The following EDRF1 variants were observed in gnomAD, a reference collection of about 807,000 sequenced individuals.
EDRF1 encodes erythroid differentiation regulatory factor 1.
Under a neutral mutation model 148.7 loss-of-function variants are expected in EDRF1, and 69 were observed. The observed-to-expected ratio is 0.46, with a 90% CI of 0.38 to 0.57. EDRF1 has a LOEUF of 0.57. Among genes scored for constraint, EDRF1 ranks in the 20% least tolerant of loss-of-function variants. The probability of loss-of-function intolerance (pLI) is 0.00; values close to 1 mark genes in which losing one functional copy is unlikely to be tolerated. For synonymous variants in EDRF1, 515 were observed against 532.8 expected (o/e 0.97, Z 0.46); for missense variants, 1,118 against 1,478.7 (o/e 0.76, Z 4.00).
At position 125,737,935 on chromosome 10, in the gene EDRF1, A is replaced by T. The variant is rs1848821481; in HGVS notation, c.1776A>T (p.Pro592=). The part of the protein sequence containing the change: ...IHQIRPSCAF[P]VCHDTEERCR... ...TCCTCAAGCCCAGTTGTGCATTTCCAGTTTGCCATGACACAGAAGAGCGCT... is the reference window on the plus strand; with the variant it reads ...TCCTCAAGCCCAGTTGTGCATTTCCTGTTTGCCATGACACAGAAGAGCGCT... Residue 592 remains proline (P), a synonymous_variant, in exon 14 of 25, where the codon CCA becomes CCT. Transcript: ENST00000356792. 6.2e-7 allele frequency: 1 copy of T among 1,613,966 alleles called. No individual in the cohort carries two copies. Among genetic ancestry groups the T allele is most frequent in the Non-Finnish European group, 8.5e-7 (1 of 1,179,908 alleles).
At chr10:125,723,013 C>T in intron 2 of EDRF1, 55 bp from the exon 3 acceptor site, 1 of 1,367,878 alleles carries the variant, frequency 7.3e-7, no homozygotes, top group Non-Finnish European at 1.0e-6. Flanking sequence ...TTAAGCTCTA[C>T]TTGCATGATT....
intron 24 of EDRF1, chr10:125,756,766 T>G (rs1438830959): frequency 2.5e-6 from 1 of 405,572 alleles, no homozygotes; most frequent in Non-Finnish European, 4.8e-6. Flanking sequence ...GGGTTTCCTA[T>G]AGGTGGCAAT....
chr10:125,741,116 A>C lies in EDRF1; in HGVS notation c.2286A>C (p.Arg762Ser), dbSNP rs1386371865. Residue 762 changes from arginine (R) to serine (S), a missense_variant, in exon 17 of 25, where the codon AGA becomes AGC. Coordinates refer to ENST00000356792, the MANE Select transcript of EDRF1 (RefSeq NM_001202438.2). ...TGCTGGCCCAGAATGCAAATAATAG[A>C]GCAGCACACCTTGAAGAGTTTCATT... ...QLMLAQNANNRAAHLEEFHYQ... is the reference protein window; with the variant it reads ...QLMLAQNANNSAAHLEEFHYQ... The C allele has an allele frequency of 1.9e-6, 3 of 1,614,166 alleles. No individual in the cohort carries two copies. Among genetic ancestry groups the C allele is most frequent in the Non-Finnish European group, 2.5e-6 (3 of 1,180,046 alleles).
chr10:125,745,550 A>G, intron 18 of EDRF1, 157 bp from the exon 19 acceptor site: 1 of 701,666 alleles, frequency 1.4e-6, no homozygotes, highest in Non-Finnish European at 2.5e-6. Flanking sequence ...TTCATGTAAC[A>G]GGCATGGTGA....
chr10:125,747,265 C>T, intron 19 of EDRF1: 1 of 448,254 alleles, frequency 2.2e-6, no homozygotes, highest in Non-Finnish European at 4.0e-6. Context: ...CATCATCATG[C>T]TCAGCCTGAG....
chr10:125,741,195 T>G lies in EDRF1; in HGVS notation c.2365T>G (p.Cys789Gly), dbSNP rs763670054. 1.9e-6 allele frequency: 3 copies of G among 1,614,172 alleles called. No homozygotes were observed. Among genetic ancestry groups the G allele is most frequent in the Non-Finnish European group, 2.5e-6 (3 of 1,180,006 alleles). ...ILHSLHRESS[C>G]QGFAWATDLS... ...GCATAGCCTTCACAGAGAGTCCAGTTGCCAAGGTGTGCCACAGGCTTGGAC... is the reference window on the plus strand; with the variant it reads ...GCATAGCCTTCACAGAGAGTCCAGTGGCCAAGGTGTGCCACAGGCTTGGAC... Residue 789 changes from cysteine (C) to glycine (G), a missense_variant, in exon 17 of 25, where the codon TGC becomes GGC. Coordinates refer to ENST00000356792, the MANE Select transcript of EDRF1 (RefSeq NM_001202438.2).
In EDRF1 at chr10:125,725,391, G is replaced by T; in HGVS notation, c.584G>T (p.Ser195Ile). The T allele has an allele frequency of 6.2e-7, 1 of 1,613,972 alleles. No individual in the cohort carries two copies. Among genetic ancestry groups the T allele is most frequent in the Non-Finnish European group, 8.5e-7 (1 of 1,179,930 alleles). ...CAGAAGTGGCAGAGGAAGAAAAAGA[G>T]CAAAGAGCACTGGTATCAAAAGGCA... ...IDQKWQRKKK[S>I]KEHWYQKAIL... The change falls in exon 5 of 25, where the codon AGC (serine) becomes ATC (isoleucine). Residue 195 changes from serine to isoleucine, a missense_variant. Transcript: ENST00000356792.
intron 14 of EDRF1, 125 bp from the exon 15 acceptor site, chr10:125,738,170 T>C: frequency 1.4e-6 from 2 of 1,413,950 alleles, no homozygotes; most frequent in South Asian, 2.4e-5. Context: ...AACATAGTTT[T>C]TGAAAGTCTG....
At position 125,719,955 on chromosome 10, in the gene EDRF1, A is replaced by G. The variant is rs767235923; in HGVS notation, c.108+40A>G. 11 of 1,574,472 alleles carry G rather than the reference A, an allele frequency of 7.0e-6. 1 individual carries two copies. Among genetic ancestry groups the G allele is most frequent in the Middle Eastern group, 1.7e-4 (1 of 6,006 alleles). On this transcript the variant is annotated intron_variant, in intron 1 of 24. Coordinates refer to ENST00000356792, the MANE Select transcript of EDRF1 (RefSeq NM_001202438.2). ...GAGGGGGACCTGCCAGGGATGTGGGAGCGGAGGACCCGCTCCACCGGGGAG... is the reference window on the plus strand; with the variant it reads ...GAGGGGGACCTGCCAGGGATGTGGGGGCGGAGGACCCGCTCCACCGGGGAG...
At chr10:125,725,618 G>T in intron 5 of EDRF1, 64 bp from the exon 6 acceptor site, 3 of 1,602,106 alleles carry the variant, frequency 1.9e-6, no homozygotes, top group Non-Finnish European at 2.6e-6. Flanking sequence ...TTTATAAACG[G>T]GTAGACTGTT....
intron 15 of EDRF1, among the ~76,000 whole-genome samples, chr10:125,739,259 T>A (rs1848894446): frequency 6.6e-6 from 1 of 152,162 alleles, no homozygotes; most frequent in African/African-American, 2.4e-5. Flanking sequence ...TCCCCAGCAT[T>A]TATATAGTGC....
chr10:125,759,550 C>A (rs1054366637), intron 24 of EDRF1, among the ~76,000 whole-genome samples: 1 of 152,014 alleles, frequency 6.6e-6, no homozygotes, highest in Non-Finnish European at 1.5e-5. Flanking sequence ...ATTACATGAA[C>A]CCAGGAGTTC....
Position 125,747,956 on chromosome 10 carries a change from G to A in EDRF1, c.3067G>A (p.Ala1023Thr). 1 of 1,614,210 alleles carries A rather than the reference G, an allele frequency of 6.2e-7. No individual in the cohort carries two copies. Among genetic ancestry groups the A allele is most frequent in the South Asian group, 1.1e-5 (1 of 91,086 alleles). Residue 1023 changes from alanine to threonine, a missense_variant, in exon 21 of 25, where the codon GCT (alanine) becomes ACT (threonine). By Grantham distance (58) the Ala-to-Thr change is moderately conservative (BLOSUM62 0). This residue lies in a region of EDRF1 where 954 missense variants were observed against 1,241.4 expected (regional missense o/e 0.77). Transcript: ENST00000356792. ...TCGACAGCCCCTTTGTCAGTATCGA[G>A]CTGCAACCATCCATCACAGGCTGGC... Reference protein sequence around the residue: ...SARQPLCQYRAATIHHRLASM... With the variant: ...SARQPLCQYRTATIHHRLASM...
rs963223552 is a variant in EDRF1, at chr10:125,719,735, C to T, written c.-73C>T. ...GTCCGCGGAGCGTCTCTGGCGCTTA[C>T]CCTGCTTTGGGCCTGCGTTGCTGCT... On this transcript the variant is annotated 5_prime_UTR_variant, in exon 1 of 25. Transcript: ENST00000356792. 1.6e-6 allele frequency: 2 copies of T among 1,246,476 alleles called. No homozygotes were observed. The highest frequency in any genetic ancestry group is 2.2e-6 in the Non-Finnish European group (2 of 889,850). 77.2% of individuals were successfully genotyped at this position (1,246,476 alleles called of 1,614,324 possible). A position where few individuals can be genotyped will look rare whatever the true frequency, so the allele number is the denominator to read the frequency against.
At chr10:125,721,701 G>A (rs1318944326) in intron 2 of EDRF1, among the ~76,000 whole-genome samples, 1 of 152,182 alleles carries the variant, frequency 6.6e-6, no homozygotes, top group South Asian at 2.1e-4. Flanking sequence ...TAGCCAATTT[G>A]CATACCTTTT....
intron 13 of EDRF1, among the ~76,000 whole-genome samples, chr10:125,736,903 A>G (rs1437128361): frequency 6.6e-6 from 1 of 151,964 alleles, no homozygotes; most frequent in Non-Finnish European, 1.5e-5. Flanking sequence ...TTGTCCTTCA[A>G]GGAGCCTATC....
intron 4 of EDRF1, among the ~76,000 whole-genome samples, chr10:125,724,794 G>A (rs1008919251): frequency 1.3e-5 from 2 of 152,126 alleles, no homozygotes; most frequent in African/African-American, 4.8e-5. Flanking sequence ...TCTTGGGCTG[G>A]CAAGAAATAG....
intron 20 of EDRF1, 75 bp downstream of exon 20, chr10:125,747,769 G>A: frequency 6.2e-7 from 1 of 1,610,392 alleles, no homozygotes; most frequent in South Asian, 1.1e-5. Flanking sequence ...AGCGTCTGTT[G>A]TCTTTTCCCT....
chr10:125,730,225 T>C (rs764705333), intron 8 of EDRF1, 63 bp from the exon 9 acceptor site: 38 of 1,276,274 alleles, frequency 3.0e-5, no homozygotes, highest in Non-Finnish European at 3.9e-5. Context: ...GAAATAACTT[T>C]CAGATGATTA....
Sources: allele counts gnomAD v4.1 joint callset (sites outside exome capture counted in the v4.1 genomes callset), GRCh38; gene constraint gnomAD v4.1.1; regional missense constraint gnomAD v4.1.1; transcripts MANE v1.5; gene names NCBI Gene and HGNC (gene_info 2026-07-23, HGNC 2026-07-21).